Variants in TP63 observed in about 807,000 individuals in gnomAD.
TP63 encodes tumor protein 63.
Under a neutral mutation model 82.8 loss-of-function variants are expected in TP63, and 17 were observed. The ratio of observed to expected loss-of-function variants is 0.21; its 90% CI spans 0.14 to 0.31. The LOEUF is 0.31. Ranked by LOEUF, TP63 falls within the 10% of genes least tolerant of loss-of-function variation. The pLI is 1.00. For synonymous variants in TP63, 330 were observed against 321.7 expected (o/e 1.03, Z -0.28); for missense variants, 648 against 895.3 (o/e 0.72, Z 3.52).
intron 10 of TP63, among the ~76,000 whole-genome samples, chr3:189,879,812 C>T (rs1290799719): frequency 6.6e-6 from 1 of 152,136 alleles, no homozygotes; most frequent in African/African-American, 2.4e-5. Context: ...TTATAAGTTT[C>T]ACAAGTGATT....
intron 4 of TP63, among the ~76,000 whole-genome samples, chr3:189,856,474 T>C (rs1041837953): frequency 1.3e-5 from 2 of 151,976 alleles, no homozygotes; most frequent in Non-Finnish European, 2.9e-5. Flanking sequence ...GATATATGAT[T>C]CTAGTTCAAA....
intron 4 of TP63, among the ~76,000 whole-genome samples, chr3:189,843,455 C>A (rs538657236): frequency 6.6e-6 from 1 of 152,264 alleles, no homozygotes; most frequent in South Asian, 2.1e-4. Flanking sequence ...TTGGCTGGAG[C>A]CATCAGGAAA....
intron 1 of TP63, among the ~76,000 whole-genome samples, chr3:189,694,790 CTTTTTTTTTTTTTTTTTTTTT>C (rs71175304): frequency 9.2e-5 from 3 of 32,730 alleles, no homozygotes; most frequent in South Asian, 2.1e-3. Context: ...TATTTACAGC[CTTTTTTTTTTTTTTTTTTTTT>C]TTTTTTTTTT....
chr3:189,671,909 T>G (rs1034572871), intron 1 of TP63, among the ~76,000 whole-genome samples: 4 of 151,800 alleles, frequency 2.6e-5, no homozygotes, highest in African/African-American at 7.3e-5. Flanking sequence ...GAGGGAAAGA[T>G]AGGAAAAAGC....
At chr3:189,814,123 G>A (rs1012282464) in intron 4 of TP63, among the ~76,000 whole-genome samples, 1 of 152,312 alleles carries the variant, frequency 6.6e-6, no homozygotes, top group East Asian at 1.9e-4. Flanking sequence ...TGAGATGCGC[G>A]CCTGCGGCCC....
At chr3:189,651,640 A>G (rs555201771) in intron 1 of TP63, among the ~76,000 whole-genome samples, 2 of 146,214 alleles carry the variant, frequency 1.4e-5, no homozygotes, top group Admixed American at 6.7e-5. Context: ...AGTAACGAGG[A>G]GCCGAATGTT....
intron 1 of TP63, among the ~76,000 whole-genome samples, chr3:189,713,168 G>A (rs1379545850): frequency 6.6e-6 from 1 of 152,128 alleles, no homozygotes; most frequent in Non-Finnish European, 1.5e-5. Flanking sequence ...ATCTCCATTT[G>A]TACCCCTGCC....
At chr3:189,745,708 C>CAAAAAAA (rs71298529) in intron 3 of TP63, among the ~76,000 whole-genome samples, 8 of 17,794 alleles carry the variant, frequency 4.5e-4, no homozygotes, top group African/African-American at 6.0e-4. Flanking sequence ...AACTCCATCT[C>CAAAAAAA]AAAAAAAAAA....
the TP63 span, among the ~76,000 whole-genome samples, chr3:189,601,455 C>G: frequency 2.0e-5 from 3 of 152,124 alleles, no homozygotes; most frequent in Admixed American, 6.5e-5. Flanking sequence ...CTGAACCTCC[C>G]TGGAACCCTA....
intron 4 of TP63, among the ~76,000 whole-genome samples, chr3:189,814,457 GTGT>G (rs1208451383): frequency 6.6e-6 from 1 of 152,118 alleles, no homozygotes; most frequent in Non-Finnish European, 1.5e-5. Context: ...ACATGTGTTC[GTGT>G]TTATCATAAC....
At chr3:189,718,946 G>C (rs1215340918) in intron 1 of TP63, among the ~76,000 whole-genome samples, 3 of 152,146 alleles carry the variant, frequency 2.0e-5, no homozygotes, top group Non-Finnish European at 4.4e-5. Flanking sequence ...TAAAGAATAT[G>C]TGAAGAACAT....
At chr3:189,846,478 C>A (rs908262519) in intron 4 of TP63, among the ~76,000 whole-genome samples, 1 of 152,104 alleles carries the variant, frequency 6.6e-6, no homozygotes, top group Non-Finnish European at 1.5e-5. Context: ...TTAGGCTCAT[C>A]ATTCTTGCCC....
chr3:189,861,091 A>G (rs919632848), intron 4 of TP63, among the ~76,000 whole-genome samples: 23 of 150,626 alleles, frequency 1.5e-4, no homozygotes, highest in African/African-American at 5.4e-4. Flanking sequence ...TTTTTTTCGT[A>G]TGTTTAGTAG....
chr3:189,708,617 G>A (rs6763902), intron 1 of TP63, among the ~76,000 whole-genome samples: 139,041 of 152,170 alleles, frequency 0.91, 63,703 homozygotes, highest in African/African-American at 0.98. Flanking sequence ...TGAACAGGTT[G>A]TAAAGGGAAG....
intron 4 of TP63, among the ~76,000 whole-genome samples, chr3:189,809,062 T>C (rs1177177576): frequency 3.3e-5 from 5 of 152,080 alleles, no homozygotes; most frequent in Non-Finnish European, 7.4e-5. Context: ...GTAAATTGTA[T>C]AATGTCTTAT....
intron 1 of TP63, among the ~76,000 whole-genome samples, chr3:189,641,057 T>C (rs1401671219): frequency 1.3e-5 from 2 of 152,126 alleles, no homozygotes; most frequent in Non-Finnish European, 2.9e-5. Flanking sequence ...GATCTTTAAA[T>C]AAATTCATAA....
At position 189,789,513 on chromosome 3, in the gene TP63, CT is replaced by C. The variant is rs1424223703; in HGVS notation, c.325-18758del. On this transcript the variant is annotated intron_variant, in intron 3 of 13. Transcript: ENST00000264731. ...TTTTAAAGATTGGTGATAAGGAATT[CT>C]AACTACTTAATGAGATGGGAGAGGC... 2.2e-5 allele frequency: 8 copies of C among 357,114 alleles called. No individual in the cohort carries two copies. The East Asian group carries it at 4.2e-4, about 19-fold the overall frequency. 22.1% of individuals were successfully genotyped at this position (357,114 alleles called of 1,614,324 possible). A position where few individuals can be genotyped will look rare whatever the true frequency, so the allele number is the denominator to read the frequency against.
upstream of TP63, among the ~76,000 whole-genome samples, chr3:189,630,734 G>A (rs1270697729): frequency 1.3e-5 from 2 of 152,110 alleles, no homozygotes; most frequent in Non-Finnish European, 2.9e-5. Flanking sequence ...CTCAATAAAG[G>A]TTATTTTCTT....
chr3:189,838,314 T>C (rs1243341525), intron 4 of TP63, among the ~76,000 whole-genome samples: 2 of 152,204 alleles, frequency 1.3e-5, no homozygotes, highest in African/African-American at 2.4e-5. Context: ...ATAGGTTTGT[T>C]TTTATTATTT....
Sources: allele counts gnomAD v4.1 joint callset (sites outside exome capture counted in the v4.1 genomes callset), GRCh38; gene constraint gnomAD v4.1.1; transcripts MANE v1.5; gene names NCBI Gene and HGNC (gene_info 2026-07-23, HGNC 2026-07-21).